Variants in C14orf132 observed in about 807,000 individuals in gnomAD.
The protein encoded by C14orf132 is uncharacterized protein C14orf132.
Under a neutral mutation model 5.8 loss-of-function variants are expected in C14orf132, and 6 were observed. The observed-to-expected ratio is 1.03, with a 90% CI of 0.57 to 2.04. The LOEUF (loss-of-function observed/expected upper bound fraction) is 2.04. Among genes scored for constraint, C14orf132 ranks in the 30% most tolerant of loss-of-function variants. C14orf132 has a pLI of 0.00. For missense variants in C14orf132, 125 were observed against 115.8 expected, an observed-to-expected ratio of 1.08 and a Z score of -0.37; for synonymous variants, 51 against 49.8, an observed-to-expected ratio of 1.02 and a Z score of -0.10.
chr14:96,086,775 A>C lies in C14orf132; in HGVS notation c.*40A>C, dbSNP rs139900535. The C allele has an allele frequency of 0.013, 19,068 of 1,519,736 alleles. 176 individuals carry two copies. The highest frequency in any genetic ancestry group is 0.021 in the Middle Eastern group (117 of 5,482). 94.1% of individuals were successfully genotyped at this position (1,519,736 alleles called of 1,614,324 possible). A position where few individuals can be genotyped will look rare whatever the true frequency, so the allele number is the denominator to read the frequency against. On this transcript the variant is annotated 3_prime_UTR_variant, in exon 2 of 2. Transcript: ENST00000555004. ...GCACCACCATGGGGTGAGGCTTGGC[A>C]CGTAGCTCTGACTTGCTGTCGGCCT...
chr14:96,067,032 T>A (rs758825049), intron 1 of C14orf132, among the ~76,000 whole-genome samples: 8 of 152,280 alleles, frequency 5.3e-5, no homozygotes, highest in Non-Finnish European at 8.8e-5. Context: ...TATCTCATGC[T>A]GAGCTGTTGT....
chr14:96,065,055 G>T (rs557722435), intron 1 of C14orf132, among the ~76,000 whole-genome samples: 1 of 152,210 alleles, frequency 6.6e-6, no homozygotes, highest in African/African-American at 2.4e-5. Flanking sequence ...AGGGGGTTTT[G>T]ACGTGACTTC....
At position 96,091,006 on chromosome 14, in the gene C14orf132, T is replaced by A. The variant is rs1888384346; in HGVS notation, c.*4271T>A. On this transcript the variant is annotated 3_prime_UTR_variant, in exon 2 of 2. Coordinates refer to ENST00000555004, the MANE Select transcript of C14orf132 (RefSeq NM_001252507.3). ...ATCTTTTTGTTGCTCTATTTGTGTC[T>A]CATTTACTTCTCAAATTGCCCCTGG... The A allele has an allele frequency of 2.2e-6, 1 of 456,158 alleles. No individual in the cohort carries two copies. The highest frequency in any genetic ancestry group is 4.4e-6 in the Non-Finnish European group (1 of 226,812). 28.3% of individuals were successfully genotyped at this position (456,158 alleles called of 1,614,324 possible).
At chr14:96,071,316 C>T (rs1468643674) in intron 1 of C14orf132, among the ~76,000 whole-genome samples, 1 of 152,136 alleles carries the variant, frequency 6.6e-6, no homozygotes, top group East Asian at 1.9e-4. Context: ...CAATTACCCC[C>T]CACCAGGTCC....
chr14:96,067,987 C>T (rs1212668851), intron 1 of C14orf132, among the ~76,000 whole-genome samples: 1 of 152,190 alleles, frequency 6.6e-6, no homozygotes, highest in Non-Finnish European at 1.5e-5. Context: ...AAAACCCAAT[C>T]ATGCCTGTAA....
intron 1 of C14orf132, among the ~76,000 whole-genome samples, chr14:96,083,340 C>T (rs113817923): frequency 0.015 from 2,341 of 152,244 alleles, 68 homozygotes; most frequent in African/African-American, 0.053. Context: ...CTTTCTGGAA[C>T]GGAAGTCTGG....
At position 96,088,873 on chromosome 14, in the gene C14orf132, C is replaced by G. The variant is rs1888293622; in HGVS notation, c.*2138C>G. The stretch of plus-strand genomic sequence containing the variant: ...TAGCCCTGAAGAGGACTCCAGCATC[C>G]CAGGCACCGGGTGCTTCTGGCTGCA... On this transcript the variant is annotated 3_prime_UTR_variant, in exon 2 of 2. Coordinates refer to ENST00000555004, the MANE Select transcript of C14orf132 (RefSeq NM_001252507.3). 1 of 152,296 alleles carries G rather than the reference C, an allele frequency of 6.6e-6. No homozygotes were observed. The highest frequency in any genetic ancestry group is 6.5e-5 in the Admixed American group (1 of 15,288). 9.4% of individuals were successfully genotyped at this position (152,296 alleles called of 1,614,324 possible).
In C14orf132 at chr14:96,090,563, C is replaced by T. The variant is rs1481830988; in HGVS notation, c.*3828C>T. On this transcript the variant is annotated 3_prime_UTR_variant, in exon 2 of 2. Coordinates refer to ENST00000555004, the MANE Select transcript of C14orf132 (RefSeq NM_001252507.3). Reference sequence around the variant, plus strand: ...AGGCAGGATGATGGCGCAGCTCTTCCTACTCCAAGCCAATGCTGTCCTTCC... The same window carrying T: ...AGGCAGGATGATGGCGCAGCTCTTCTTACTCCAAGCCAATGCTGTCCTTCC... 2.2e-6 allele frequency: 1 copy of T among 455,430 alleles called. No individual in the cohort carries two copies. The highest frequency in any genetic ancestry group is 1.6e-5 in the South Asian group (1 of 64,482). The allele number at this position is 455,430 out of a possible 1,614,324, so 28.2% of individuals were successfully genotyped here. A position where few individuals can be genotyped will look rare whatever the true frequency, so the allele number is the denominator to read the frequency against.
chr14:96,050,388 T>C (rs563014776), intron 1 of C14orf132, among the ~76,000 whole-genome samples: 3 of 152,302 alleles, frequency 2.0e-5, no homozygotes, highest in African/African-American at 7.2e-5. Context: ...CTGCTCAGTG[T>C]CTCATAAATG....
Position 96,077,441 on chromosome 14 carries a change from T to A in C14orf132, c.28-9070T>A, listed in dbSNP as rs1317759498. Among the ~76,000 whole-genome samples the A allele has an allele frequency of 2.0e-5, 3 of 152,266 alleles. No individual in the cohort carries two copies. In the East Asian group the frequency reaches 5.8e-4, roughly 29 times the overall value. On this transcript the variant is annotated intron_variant, in intron 1 of 1. Transcript: ENST00000555004. Reference sequence around the variant, plus strand: ...AAGTTAAAATGAGGTCACTAGGATATGCCCTAGTTCAGTATGATTGGCATC... The same window carrying A: ...AAGTTAAAATGAGGTCACTAGGATAAGCCCTAGTTCAGTATGATTGGCATC...
rs1253234255 is a variant in C14orf132 at position 96,093,751 on chromosome 14, T to TTTCG, written c.*7017_*7020dup. The TTTCG allele has an allele frequency of 6.6e-6, 1 of 152,236 alleles. No individual in the cohort carries two copies. Among genetic ancestry groups the TTTCG allele is most frequent in the Non-Finnish European group, 1.5e-5 (1 of 68,044 alleles). The allele number at this position is 152,236 out of a possible 1,614,324, so 9.4% of individuals were successfully genotyped here. The stretch of plus-strand genomic sequence containing the variant: ...GTGAAGACTCTTTCTTAATAAAGGA[T>TTTCG]TTCGCTGTGCTCTTTTGATTAAAAA... On this transcript the variant is annotated 3_prime_UTR_variant, in exon 2 of 2. Coordinates refer to ENST00000555004, the MANE Select transcript of C14orf132 (RefSeq NM_001252507.3).
chr14:96,082,893 A>G (rs1595192006), intron 1 of C14orf132, among the ~76,000 whole-genome samples: 1 of 152,214 alleles, frequency 6.6e-6, no homozygotes, highest in African/African-American at 2.4e-5. Context: ...CATTACTTAT[A>G]GAAGGGAAAT....
At chr14:96,062,183 C>T (rs1408991525) in intron 1 of C14orf132, among the ~76,000 whole-genome samples, 1 of 152,072 alleles carries the variant, frequency 6.6e-6, no homozygotes, top group South Asian at 2.1e-4. Context: ...CTCCATGGAT[C>T]GAGTCCCTGC....
At chr14:96,063,801 A>G (rs1595178439) in intron 1 of C14orf132, among the ~76,000 whole-genome samples, 2 of 152,306 alleles carry the variant, frequency 1.3e-5, no homozygotes, top group Non-Finnish European at 1.5e-5. Flanking sequence ...AGAGTGGGAG[A>G]AAATCTTCAC....
chr14:96,054,971 C>T (rs1227888689), intron 1 of C14orf132, among the ~76,000 whole-genome samples: 4 of 152,242 alleles, frequency 2.6e-5, no homozygotes, highest in African/African-American at 9.6e-5. Flanking sequence ...AGCCACGTCT[C>T]TCCTCCAGGA....
At chr14:96,076,527 A>C (rs1887871593) in intron 1 of C14orf132, among the ~76,000 whole-genome samples, 1 of 152,180 alleles carries the variant, frequency 6.6e-6, no homozygotes, top group Non-Finnish European at 1.5e-5. Flanking sequence ...AGGGGTGTCC[A>C]ACATTTTTGC....
intron 1 of C14orf132, among the ~76,000 whole-genome samples, chr14:96,065,461 G>A (rs960028185): frequency 1.3e-5 from 2 of 152,046 alleles, no homozygotes; most frequent in African/African-American, 4.8e-5. Flanking sequence ...GCTTGCCGTT[G>A]CCCCGGCCGC....
chr14:96,049,653 T>TATATATATATATAG (rs371381526), intron 1 of C14orf132, among the ~76,000 whole-genome samples: 6 of 82,280 alleles, frequency 7.3e-5, no homozygotes, highest in African/African-American at 2.8e-4. Flanking sequence ...TATATATATA[T>TATATATATATATAG]AGAGAGAGAG....
At position 96,039,494 on chromosome 14, in the gene C14orf132, C is replaced by G. The variant is rs2139634643; in HGVS notation, c.-7C>G. ...GCGAGGACTCGAGCGCTGGCTGCAG[C>G]GACACCATGGATCTCTCCTTTATGG... On this transcript the variant is annotated 5_prime_UTR_variant, in exon 1 of 2. Coordinates refer to ENST00000555004, the MANE Select transcript of C14orf132 (RefSeq NM_001252507.3). This position sits in a 1 kb window ranked among gnomAD's most constrained non-coding sequence, Gnocchi z 5.3. The G allele has an allele frequency of 2.0e-6, 3 of 1,497,288 alleles. No homozygotes were observed. The Admixed American group carries it at 6.3e-5, about 31-fold the overall frequency. The allele number at this position is 1,497,288 out of a possible 1,614,324, so 92.8% of individuals were successfully genotyped here.
Sources: gnomAD v4.1 joint callset for allele counts (sites outside exome capture counted in the v4.1 genomes callset) on GRCh38, gnomAD v4.1.1 for gene constraint, Gnocchi (gnomAD v3.1) non-coding constraint, MANE v1.5 for transcripts, NCBI Gene and HGNC (gene_info 2026-07-23, HGNC 2026-07-21) for gene names.